POLA1: variants seen among roughly 807,000 people sequenced by gnomAD.
POLA1 encodes the protein DNA polymerase alpha catalytic subunit.
A neutral mutation model predicts 124.0 loss-of-function variants in POLA1; 15 were observed. The ratio of observed to expected loss-of-function variants is 0.12; its 90% CI spans 0.08 to 0.19. The LOEUF (loss-of-function observed/expected upper bound fraction) is 0.19. POLA1 is among the 10% of genes least tolerant of loss of function. The pLI is 1.00. For synonymous variants in POLA1, 408 were observed against 389.4 expected (o/e 1.05, Z -0.56); for missense variants, 886 against 1,103.4 (o/e 0.80, Z 2.79).
At chrX:24,752,888 C>T (rs755216616) in intron 26 of POLA1, among the ~76,000 whole-genome samples, 6 of 111,630 alleles carry the variant, frequency 5.4e-5, no homozygotes, top group East Asian at 2.8e-4. Context: ...CATGGAGACA[C>T]GATACATGAC....
intron 35 of POLA1, among the ~76,000 whole-genome samples, chrX:24,907,589 A>G (rs1178375804): frequency 8.9e-6 from 1 of 112,242 alleles, no homozygotes; most frequent in Admixed American, 9.5e-5. Context: ...ACATTTTGGA[A>G]GTGTTTAAAC....
At chrX:24,761,311 C>T (rs1004024761) in intron 26 of POLA1, among the ~76,000 whole-genome samples, 7 of 111,405 alleles carry the variant, frequency 6.3e-5, no homozygotes, top group Non-Finnish European at 9.4e-5. Flanking sequence ...AAGAGTTGAG[C>T]GGAGATGGGA....
intron 35 of POLA1, among the ~76,000 whole-genome samples, chrX:24,897,523 T>G (rs1417244101): frequency 1.8e-5 from 2 of 110,705 alleles, no homozygotes; most frequent in African/African-American, 6.5e-5. Context: ...AATGAATGAA[T>G]CTTAGTTAGA....
At chrX:24,721,571 A>G (rs981954377) in intron 10 of POLA1, among the ~76,000 whole-genome samples, 1 of 111,738 alleles carries the variant, frequency 8.9e-6, no homozygotes, top group Non-Finnish European at 1.9e-5. Flanking sequence ...AACAGATTCT[A>G]AGTAAGTCAG....
chrX:24,813,162 C>T (rs746570773), intron 29 of POLA1, among the ~76,000 whole-genome samples: 4 of 110,570 alleles, frequency 3.6e-5, no homozygotes, highest in African/African-American at 6.6e-5. Flanking sequence ...GAGTTGGTTT[C>T]GTTGATGTTG....
chrX:24,785,012 A>G lies in POLA1; in HGVS notation c.2965-24886A>G, dbSNP rs773705274. On this transcript the variant is annotated intron_variant, in intron 26 of 36. Coordinates refer to ENST00000379068, the MANE Select transcript of POLA1 (RefSeq NM_001330360.2). ...CAGTCATACTCTCAGATAAAATATTAGTTAGGGGATTTAGCTTGAAAAGGC... is the reference window on the plus strand; with the variant it reads ...CAGTCATACTCTCAGATAAAATATTGGTTAGGGGATTTAGCTTGAAAAGGC... Among the ~76,000 whole-genome samples, 205 of 112,465 alleles carry G rather than the reference A, an allele frequency of 1.8e-3. 1 individual carries two copies. Among genetic ancestry groups the G allele is most frequent in the Non-Finnish European group, 3.5e-3 (186 of 53,271 alleles).
At chrX:24,925,199 G>A (rs1051097944) in intron 35 of POLA1, among the ~76,000 whole-genome samples, 8 of 111,879 alleles carry the variant, frequency 7.2e-5, no homozygotes, top group African/African-American at 2.6e-4. Context: ...GTGTTTGGGG[G>A]TACGTTTTGG....
intron 35 of POLA1, 90 bp downstream of exon 35, chrX:24,888,212 A>G (rs1224099737): frequency 3.6e-6 from 2 of 547,976 alleles, no homozygotes; most frequent in African/African-American, 4.5e-5. Flanking sequence ...TGCCCTATGA[A>G]GATGCCCTAC....
chrX:24,718,415 C>A (rs1365925323), intron 10 of POLA1, among the ~76,000 whole-genome samples: 1 of 111,694 alleles, frequency 9.0e-6, no homozygotes, highest in African/African-American at 3.3e-5. Flanking sequence ...AAGGGCATTT[C>A]AGCTTAACGA....
chrX:24,807,311 C>T (rs1167177267), intron 26 of POLA1, among the ~76,000 whole-genome samples: 1 of 112,093 alleles, frequency 8.9e-6, no homozygotes, highest in Non-Finnish European at 1.9e-5. Flanking sequence ...ATGGTGTTGT[C>T]CATTGTGATG....
chrX:24,817,750 A>G (rs1303251377), intron 30 of POLA1, among the ~76,000 whole-genome samples: 1 of 110,904 alleles, frequency 9.0e-6, no homozygotes, highest in African/African-American at 3.3e-5. Flanking sequence ...GTAGTTCTGT[A>G]TCTATTTACA....
chrX:24,943,743 T>G (rs756557581), intron 36 of POLA1, among the ~76,000 whole-genome samples: 1 of 112,703 alleles, frequency 8.9e-6, no homozygotes, highest in African/African-American at 3.2e-5. Context: ...TGAAATACAA[T>G]TTTGAATCAT....
chrX:24,704,444 T>C lies in POLA1; in HGVS notation c.321T>C (p.Asp107=), dbSNP rs373482765. ...GREIFDDDLE[D]DALDADEKGK... is the part of the protein sequence containing the mutation. ...AGATTTTTGATGATGACCTTGAAGA[T>C]GATGCCCTTGATGCTGATGAGAAAG... The change falls in exon 4 of 37, where the codon GAT becomes GAC. Residue 107 remains aspartate, a synonymous_variant. Transcript: ENST00000379068. 5.1e-6 allele frequency: 6 copies of C among 1,187,228 alleles called. No individual in the cohort carries two copies. The African/African-American group carries it at 1.1e-4, about 21-fold the overall frequency.
chrX:24,903,608 TA>T (rs1430311759), intron 35 of POLA1, among the ~76,000 whole-genome samples: 17 of 111,606 alleles, frequency 1.5e-4, no homozygotes, highest in Non-Finnish European at 2.8e-4. Flanking sequence ...AGAGATAGGG[TA>T]AAGTAGTTAG....
At chrX:24,803,185 G>C in intron 26 of POLA1, among the ~76,000 whole-genome samples, 1 of 111,102 alleles carries the variant, frequency 9.0e-6, no homozygotes, top group Non-Finnish European at 1.9e-5. Context: ...AGAAAACGCT[G>C]TCATCAGTGT....
intron 34 of POLA1, among the ~76,000 whole-genome samples, chrX:24,874,093 T>G (rs1261829807): frequency 8.9e-6 from 1 of 111,759 alleles, no homozygotes; most frequent in African/African-American, 3.3e-5. Flanking sequence ...AAAACGTACT[T>G]TCTTCTGGGT....
At chrX:24,771,285 G>A (rs1375746059) in intron 26 of POLA1, among the ~76,000 whole-genome samples, 2 of 111,406 alleles carry the variant, frequency 1.8e-5, no homozygotes, top group African/African-American at 6.5e-5. Flanking sequence ...ATCACAATAC[G>A]ATAGGAATTG....
chrX:24,699,390 G>T, intron 1 of POLA1, 35 bp from the exon 2 acceptor site: 1 of 1,104,770 alleles, frequency 9.1e-7, no homozygotes, highest in South Asian at 2.4e-5. Flanking sequence ...TGACAATTTT[G>T]TAACATCTGT....
At chrX:24,927,284 T>C (rs2047708018) in intron 35 of POLA1, among the ~76,000 whole-genome samples, 1 of 111,844 alleles carries the variant, frequency 8.9e-6, no homozygotes, top group Non-Finnish European at 1.9e-5. Flanking sequence ...ATAAAGTACT[T>C]TGACTTGGAG....
Sources: allele counts gnomAD v4.1 joint callset (sites outside exome capture counted in the v4.1 genomes callset), GRCh38; gene constraint gnomAD v4.1.1; transcripts MANE v1.5; gene names NCBI Gene and HGNC (gene_info 2026-07-23, HGNC 2026-07-21).